CREB5: variants seen among roughly 807,000 people sequenced by gnomAD.
CREB5 encodes the protein cAMP responsive element binding protein 5.
Under a neutral mutation model 57.1 loss-of-function variants are expected in CREB5, and 19 were observed. That is an observed-to-expected ratio of 0.33 (90% confidence interval 0.23 to 0.49). CREB5 has a LOEUF of 0.49. Ranked by LOEUF, CREB5 falls within the 20% of genes least tolerant of loss-of-function variation. The pLI is 0.99. For missense variants in CREB5, 579 were observed against 671.6 expected, an observed-to-expected ratio of 0.86 and a Z score of 1.52; for synonymous variants, 238 against 238.3, an observed-to-expected ratio of 1.00 and a Z score of 0.01.
chr7:28,618,584 C>T (rs1256661407), intron 5 of CREB5, among the ~76,000 whole-genome samples: 2 of 152,118 alleles, frequency 1.3e-5, no homozygotes, highest in Non-Finnish European at 2.9e-5. Context: ...GGTAATCCTG[C>T]GGGACCAGTA....
intron 1 of CREB5, among the ~76,000 whole-genome samples, chr7:28,475,007 C>G (rs6462092): frequency 0.17 from 25,602 of 152,114 alleles, 2,241 homozygotes; most frequent in East Asian, 0.2. Context: ...TTAAAAAATT[C>G]AAAATCTGTT....
chr7:28,790,300 G>C (rs535595888), intron 7 of CREB5, among the ~76,000 whole-genome samples: 1 of 152,252 alleles, frequency 6.6e-6, no homozygotes, highest in East Asian at 1.9e-4. Context: ...GCTATTGACA[G>C]TTGCCCTCCT....
intron 1 of CREB5, among the ~76,000 whole-genome samples, chr7:28,395,176 C>T (rs957189093): frequency 7.2e-5 from 11 of 152,132 alleles, no homozygotes; most frequent in East Asian, 1.9e-4. Context: ...TTTTAAATGA[C>T]GTCTGTCAAT....
At chr7:28,620,261 G>A (rs1797743853) in intron 5 of CREB5, among the ~76,000 whole-genome samples, 1 of 152,046 alleles carries the variant, frequency 6.6e-6, no homozygotes, top group South Asian at 2.1e-4. Context: ...AAAGAGGCAG[G>A]GTCTCACTAT....
chr7:28,697,202 G>T (rs1801621568), intron 5 of CREB5, among the ~76,000 whole-genome samples: 1 of 152,024 alleles, frequency 6.6e-6, no homozygotes, highest in Admixed American at 6.5e-5. Flanking sequence ...AGATTAAGCT[G>T]ATTTCACCAA....
chr7:28,379,636 G>T (rs1160275007), intron 1 of CREB5, among the ~76,000 whole-genome samples: 1 of 152,190 alleles, frequency 6.6e-6, no homozygotes, highest in Non-Finnish European at 1.5e-5. Context: ...ACATCCTGGT[G>T]CCTGGGTTAC....
chr7:28,726,560 C>G (rs962385309), intron 7 of CREB5: 1 of 152,102 alleles, frequency 6.6e-6, no homozygotes, highest in Non-Finnish European at 1.5e-5. Flanking sequence ...TAATGTCAGC[C>G]AGAGCCTCCC....
upstream of CREB5, among the ~76,000 whole-genome samples, chr7:28,412,177 GAAT>G (rs1787827768): frequency 6.6e-6 from 1 of 152,170 alleles, no homozygotes; most frequent in South Asian, 2.1e-4. Context: ...CCCGTCTTCA[GAAT>G]AATAAGCTCT....
At chr7:28,633,070 A>G (rs1364174853) in intron 5 of CREB5, among the ~76,000 whole-genome samples, 3 of 152,170 alleles carry the variant, frequency 2.0e-5, no homozygotes, top group Admixed American at 6.5e-5. Flanking sequence ...TTAAACATCA[A>G]TTTATTTCAC....
intron 1 of CREB5, among the ~76,000 whole-genome samples, chr7:28,446,165 CTTG>C (rs1435553716): frequency 6.6e-6 from 1 of 152,136 alleles, no homozygotes; most frequent in African/African-American, 2.4e-5. Context: ...CCACTGTTTC[CTTG>C]TTGTTTTTGG....
intron 5 of CREB5, among the ~76,000 whole-genome samples, chr7:28,653,006 A>G (rs954975636): frequency 1.3e-5 from 2 of 152,212 alleles, no homozygotes; most frequent in African/African-American, 4.8e-5. Flanking sequence ...CTCTGTAGCC[A>G]CAGACATGAG....
chr7:28,465,550 T>C (rs1196915511), intron 1 of CREB5, among the ~76,000 whole-genome samples: 1 of 152,146 alleles, frequency 6.6e-6, no homozygotes, highest in Non-Finnish European at 1.5e-5. Flanking sequence ...AAGAATAGCA[T>C]AGGATTTGGA....
chr7:28,359,964 T>C (rs975476438), intron 1 of CREB5, among the ~76,000 whole-genome samples: 4 of 152,136 alleles, frequency 2.6e-5, no homozygotes, highest in Admixed American at 1.3e-4. Context: ...CCAACAGATA[T>C]ATGAAAAAAT....
chr7:28,482,962 C>T (rs1791392745), intron 1 of CREB5, among the ~76,000 whole-genome samples: 1 of 152,210 alleles, frequency 6.6e-6, no homozygotes, highest in Non-Finnish European at 1.5e-5. Context: ...ATGGAGGAAA[C>T]TTGTGCCATC....
chr7:28,385,194 TAA>T (rs564541690), intron 1 of CREB5, among the ~76,000 whole-genome samples: 1 of 152,188 alleles, frequency 6.6e-6, no homozygotes, highest in East Asian at 1.9e-4. Context: ...AGTTGAAAGA[TAA>T]AGAGTATTGA....
chr7:28,311,960 C>T (rs916037554), intron 1 of CREB5, among the ~76,000 whole-genome samples: 2 of 152,188 alleles, frequency 1.3e-5, no homozygotes, highest in Admixed American at 1.3e-4. Flanking sequence ...GCTGTTAGGA[C>T]CCTGACTTCT....
At chr7:28,712,923 T>C (rs2128743957) in intron 5 of CREB5, among the ~76,000 whole-genome samples, 1 of 152,146 alleles carries the variant, frequency 6.6e-6, no homozygotes, top group South Asian at 2.1e-4. Flanking sequence ...GATTTAAGAG[T>C]TTGTATTCCT....
chr7:28,606,220 T>C (rs561249755), intron 5 of CREB5, among the ~76,000 whole-genome samples: 18 of 152,290 alleles, frequency 1.2e-4, no homozygotes, highest in South Asian at 6.2e-4. Context: ...AAACAACTTG[T>C]CTCACCAAGA....
chr7:28,714,259 C>G (rs1384067236), intron 5 of CREB5, among the ~76,000 whole-genome samples: 1 of 152,216 alleles, frequency 6.6e-6, no homozygotes, highest in African/African-American at 2.4e-5. Context: ...CCACTGCACC[C>G]AGCCTGTGGT....
Sources: gnomAD v4.1 joint callset for allele counts (sites outside exome capture counted in the v4.1 genomes callset) on GRCh38, gnomAD v4.1.1 for gene constraint, MANE v1.5 for transcripts, NCBI Gene and HGNC (gene_info 2026-07-23, HGNC 2026-07-21) for gene names.